CEP44: variants seen among roughly 807,000 people sequenced by gnomAD.
CEP44 encodes the protein centrosomal protein 44, also known as centrosomal protein of 44 kDa.
Under a neutral mutation model 46.7 loss-of-function variants are expected in CEP44, and 45 were observed. The observed-to-expected ratio is 0.96, with a 90% CI of 0.76 to 1.24. CEP44 has a LOEUF of 1.24. Among genes scored for constraint, CEP44 ranks in the 50% most tolerant of loss-of-function variants. The pLI, the probability that CEP44 is intolerant of heterozygous loss-of-function variation, is 0.00. For missense variants in CEP44, 475 were observed against 459.7 expected, an observed-to-expected ratio of 1.03 and a Z score of -0.30; for synonymous variants, 142 against 146.0, an observed-to-expected ratio of 0.97 and a Z score of 0.20.
Position 174,310,203 on chromosome 4 carries a change from A to G in CEP44, c.885+147A>G, listed in dbSNP as rs1740920113. On this transcript the variant is annotated intron_variant, in intron 8 of 11. Coordinates refer to ENST00000503780, the MANE Select transcript of CEP44 (RefSeq NM_001040157.3). This position sits in a 1 kb window ranked among gnomAD's most constrained non-coding sequence, Gnocchi z 4.2. ...CTAGTTAGAATGAAGTCCTGTTTAA[A>G]TATAGCCTGTATGTTGTTGTGGCTG... 13 of 724,366 alleles carry G rather than the reference A, an allele frequency of 1.8e-5. 1 individual carries two copies. The South Asian group carries it at 2.6e-4, about 15-fold the overall frequency. 44.9% of individuals were successfully genotyped at this position (724,366 alleles called of 1,614,324 possible).
rs1282425671 is a variant in CEP44 at position 174,283,952 on chromosome 4, C to T, written c.-148+9C>T. 1 of 399,110 alleles carries T rather than the reference C, an allele frequency of 2.5e-6. No individual in the cohort carries two copies. The highest frequency in any genetic ancestry group is 4.4e-6 in the Non-Finnish European group (1 of 226,288). 24.7% of individuals were successfully genotyped at this position (399,110 alleles called of 1,614,324 possible). A position where few individuals can be genotyped will look rare whatever the true frequency, so the allele number is the denominator to read the frequency against. On this transcript the variant is annotated intron_variant, in intron 1 of 11. Transcript: ENST00000503780. This position sits in a 1 kb window ranked among gnomAD's most constrained non-coding sequence, Gnocchi z 6.7. The stretch of plus-strand genomic sequence containing the variant: ...TTGAAGGTCTTGCGGTGGTGCGTGG[C>T]GGGCAGGAACCCACAATTCCAAATA...
At chr4:174,328,142 T>C (rs1321778056) in intron 8 of CEP44, among the ~76,000 whole-genome samples, 1 of 152,192 alleles carries the variant, frequency 6.6e-6, no homozygotes, top group Non-Finnish European at 1.5e-5. Context: ...AGGGGATCAA[T>C]TGGCTCATTA....
rs373870964 is a variant in CEP44, at chr4:174,306,385, CTT to C, written c.507+2020_507+2021del. Among the ~76,000 whole-genome samples the C allele has an allele frequency of 8.4e-3, 1,283 of 152,108 alleles. 20 individuals are homozygous for C. Among genetic ancestry groups the C allele is most frequent in the African/African-American group, 0.03 (1,234 of 41,532 alleles). ...ATTTGGCAATCTTTTTTAAAAATAA[CTT>C]TTTATTATGGAACATTTCAAACATT... On this transcript the variant is annotated intron_variant, in intron 6 of 11. Coordinates refer to ENST00000503780, the MANE Select transcript of CEP44 (RefSeq NM_001040157.3).
At chr4:174,323,845 T>G (rs1742484638), downstream of CEP44, among the ~76,000 whole-genome samples, 1 of 152,154 alleles carries the variant, frequency 6.6e-6, no homozygotes, top group South Asian at 2.1e-4. Flanking sequence ...CAGCTTGAAC[T>G]GGACAAGAGC....
rs182358516 is a variant in CEP44 at position 174,301,709 on chromosome 4, G to T, written c.90-330G>T. On this transcript the variant is annotated intron_variant, in intron 3 of 11. Transcript: ENST00000503780. This position sits in a 1 kb window ranked among gnomAD's most constrained non-coding sequence, Gnocchi z 4.3. ...AAACCATAAAGTGTACTTCAATTTT[G>T]TAAGATGGTACATTGCTTTTATTAG... is the stretch of plus-strand genomic sequence containing the variant. Among the ~76,000 whole-genome samples the T allele has an allele frequency of 2.0e-5, 3 of 152,178 alleles. No individual in the cohort carries two copies. The highest frequency in any genetic ancestry group is 7.2e-5 in the African/African-American group (3 of 41,440).
chr4:174,321,236 T>G (rs969031452), downstream of CEP44, among the ~76,000 whole-genome samples: 1 of 152,178 alleles, frequency 6.6e-6, no homozygotes, highest in Non-Finnish European at 1.5e-5. Context: ...TCTTGTTTTA[T>G]TATCATAACT....
intron 4 of CEP44, 48 bp from the exon 5 acceptor site, chr4:174,303,655 T>C: frequency 1.5e-6 from 2 of 1,315,910 alleles, no homozygotes; most frequent in Non-Finnish European, 2.1e-6. Flanking sequence ...TTTGGAATTT[T>C]AGAAATAAAT....
chr4:174,332,055 C>A, exon 9 of CEP44: 1 of 153,664 alleles, frequency 6.5e-6, no homozygotes, highest in Non-Finnish European at 1.5e-5. Flanking sequence ...TTCCTTTCTT[C>A]CCAATGTCTA....
intron 10 of CEP44, 30 bp from the exon 11 acceptor site, chr4:174,316,500 C>A: frequency 6.4e-7 from 1 of 1,552,734 alleles, no homozygotes; most frequent in South Asian, 1.2e-5. Context: ...TTTGAGAAAT[C>A]ATCTAAATTT....
chr4:174,290,606 G>A lies in CEP44; in HGVS notation c.-148+6663G>A, dbSNP rs1356056877. Among the ~76,000 whole-genome samples the A allele has an allele frequency of 1.3e-5, 2 of 151,836 alleles. No homozygotes were observed. Among genetic ancestry groups the A allele is most frequent in the East Asian group, 1.9e-4 (1 of 5,196 alleles). Reference sequence around the variant, plus strand: ...CAATTTACTTGTTGGTATTCTGTCCGGATGACCAGTACATTATAGACAGTG... The same window carrying A: ...CAATTTACTTGTTGGTATTCTGTCCAGATGACCAGTACATTATAGACAGTG... On this transcript the variant is annotated intron_variant, in intron 1 of 11. Coordinates refer to ENST00000503780, the MANE Select transcript of CEP44 (RefSeq NM_001040157.3). The surrounding 1 kb of genome is among the most constrained non-coding windows in gnomAD (Gnocchi z 4.3).
chr4:174,310,789 G>A lies in CEP44; in HGVS notation c.892G>A (p.Glu298Lys). The stretch of plus-strand genomic sequence containing the variant: ...TTTAACTGTGTTATTCCAGAATGAT[G>A]AATTTATAGAGTTTAATGAAGTTAG... ...TEMLLSKKND[E>K]FIEFNEVSED... is the part of the protein sequence containing the mutation. Residue 298 changes from glutamate to lysine, a missense_variant, in exon 9 of 12, where the codon GAA becomes AAA. Physicochemically the swap from Glu to Lys is moderately conservative, Grantham distance 56 (BLOSUM62 1). Transcript: ENST00000503780. This position sits in a 1 kb window ranked among gnomAD's most constrained non-coding sequence, Gnocchi z 4.2. 1 of 1,426,866 alleles carries A rather than the reference G, an allele frequency of 7.0e-7. No individual in the cohort carries two copies. The highest frequency in any genetic ancestry group is 2.0e-5 in the Admixed American group (1 of 51,032). The allele number at this position is 1,426,866 out of a possible 1,614,324, so 88.4% of individuals were successfully genotyped here.
At chr4:174,330,970 C>T (rs1413207845) in intron 8 of CEP44, among the ~76,000 whole-genome samples, 7 of 152,124 alleles carry the variant, frequency 4.6e-5, no homozygotes, top group Non-Finnish European at 1.0e-4. Context: ...AACATATCTA[C>T]ATGTAAATCT....
chr4:174,327,751 G>A (rs1290060023), intron 8 of CEP44, among the ~76,000 whole-genome samples: 1 of 152,026 alleles, frequency 6.6e-6, no homozygotes, highest in Non-Finnish European at 1.5e-5. Context: ...TGGACGGGGT[G>A]TGTGTGTGGT....
chr4:174,309,220 C>T lies in CEP44; in HGVS notation c.678+361C>T, dbSNP rs970236439. On this transcript the variant is annotated intron_variant, in intron 7 of 11. Transcript: ENST00000503780. The surrounding 1 kb of genome is among the most constrained non-coding windows in gnomAD (Gnocchi z 5.3). Reference sequence around the variant, plus strand: ...AATGGAAAAGATTGGCACTTTATTGCCTATTCATTTTCCTTTCTGGGTCCC... The same window carrying T: ...AATGGAAAAGATTGGCACTTTATTGTCTATTCATTTTCCTTTCTGGGTCCC... Among the ~76,000 whole-genome samples, 2 of 151,860 alleles carry T rather than the reference C, an allele frequency of 1.3e-5. No homozygotes were observed. The highest frequency in any genetic ancestry group is 4.8e-5 in the African/African-American group (2 of 41,350).
In CEP44 at chr4:174,319,084, A is replaced by G. The variant is rs949915040; in HGVS notation, c.*1701A>G. 4.2e-6 allele frequency: 4 copies of G among 958,404 alleles called. No individual in the cohort carries two copies. The highest frequency in any genetic ancestry group is 5.0e-6 in the Non-Finnish European group (4 of 805,456). 59.4% of individuals were successfully genotyped at this position (958,404 alleles called of 1,614,324 possible). ...TGGATGTCCCAAAGTGCTAGATTCC[A>G]TGGGTGAGTCACCATGCTTGGCCAC... On this transcript the variant is annotated 3_prime_UTR_variant, in exon 12 of 12. Coordinates refer to ENST00000503780, the MANE Select transcript of CEP44 (RefSeq NM_001040157.3).
rs2126683452 is a variant in CEP44 at position 174,320,039 on chromosome 4, A to G, written c.*2656A>G. The G allele has an allele frequency of 1.0e-6, 1 of 985,316 alleles. No homozygotes were observed. Among genetic ancestry groups the G allele is most frequent in the East Asian group, 1.1e-4 (1 of 8,804 alleles). The allele number at this position is 985,316 out of a possible 1,614,324, so 61.0% of individuals were successfully genotyped here. A position where few individuals can be genotyped will look rare whatever the true frequency, so the allele number is the denominator to read the frequency against. On this transcript the variant is annotated 3_prime_UTR_variant, in exon 12 of 12. Coordinates refer to ENST00000503780, the MANE Select transcript of CEP44 (RefSeq NM_001040157.3). ...TTTCATTCTCTCATAAACTGGTTGA[A>G]AAAACACTGTACTACCAACAAAGGT...
Position 174,319,689 on chromosome 4 carries a change from T to C in CEP44, c.*2306T>C. 1.2e-6 allele frequency: 1 copy of C among 807,972 alleles called. No homozygotes were observed. The highest frequency in any genetic ancestry group is 5.6e-5 in the South Asian group (1 of 17,754). The allele number at this position is 807,972 out of a possible 1,614,324, so 50.1% of individuals were successfully genotyped here. On this transcript the variant is annotated 3_prime_UTR_variant, in exon 12 of 12. Transcript: ENST00000503780. ...AGGTGGAAATTTAGAATCCAAATTT[T>C]CTTAAACTTTAATAACTTGTCTAAC...
chr4:174,330,437 C>T (rs970527860), intron 8 of CEP44, among the ~76,000 whole-genome samples: 6 of 149,854 alleles, frequency 4.0e-5, no homozygotes, highest in African/African-American at 1.2e-4. Context: ...TGCAGTGAGC[C>T]GAGGTCATAC....
At chr4:174,305,264 A>C (rs1740248393) in intron 6 of CEP44, among the ~76,000 whole-genome samples, 1 of 152,062 alleles carries the variant, frequency 6.6e-6, no homozygotes, top group African/African-American at 2.4e-5. Flanking sequence ...GACCAGCCTG[A>C]CCAGCATGGC....
Sources: gnomAD v4.1 joint callset for allele counts (sites outside exome capture counted in the v4.1 genomes callset) on GRCh38, gnomAD v4.1.1 for gene constraint, Gnocchi (gnomAD v3.1) non-coding constraint, MANE v1.5 for transcripts, NCBI Gene and HGNC (gene_info 2026-07-23, HGNC 2026-07-21) for gene names.